The following CHD9 variants were observed in gnomAD, a reference collection of about 807,000 sequenced individuals.
The protein encoded by CHD9 is chromodomain helicase DNA binding protein 9.
In CHD9, 77 loss-of-function variants were observed where a neutral mutation model predicts 316.1. The ratio of observed to expected loss-of-function variants is 0.24; its 90% confidence interval spans 0.20 to 0.29. CHD9 has a LOEUF of 0.29. Among genes scored for constraint, CHD9 ranks in the 10% least tolerant of loss-of-function variants. CHD9 has a pLI of 1.00. For synonymous variants in CHD9, 1,129 were observed against 1,158.3 expected (o/e 0.97, Z 0.51); for missense variants, 2,763 against 3,438.1 (o/e 0.80, Z 4.91).
chr16:53,313,975 A>G lies in CHD9; in HGVS notation c.7223-402A>G, dbSNP rs998805360. Among the ~76,000 whole-genome samples the G allele has an allele frequency of 2.0e-5, 3 of 152,060 alleles. No homozygotes were observed. The South Asian group carries it at 6.2e-4, about 32-fold the overall frequency. On this transcript the variant is annotated intron_variant, in intron 34 of 38. Coordinates refer to ENST00000447540, the MANE Select transcript of CHD9 (RefSeq NM_001308319.2). ...CTCCAAAAAAAAAAAACAAAAATCA[A>G]AAAAGAATAATGTAGAAAAAGATAT...
rs1333176129 is a variant in CHD9, at chr16:53,143,739, T to C, written c.-164-12187T>C. Among the ~76,000 whole-genome samples, 4 of 152,300 alleles carry C rather than the reference T, an allele frequency of 2.6e-5. 1 individual carries two copies. Among genetic ancestry groups the C allele is most frequent in the Admixed American group, 2.6e-4 (4 of 15,306 alleles). Reference sequence around the variant, plus strand: ...AATAAAACACCTAAGGATTTGCTAATTAGCTACTGAAAATAATTTAGGATA... The same window carrying C: ...AATAAAACACCTAAGGATTTGCTAACTAGCTACTGAAAATAATTTAGGATA... On this transcript the variant is annotated intron_variant, in intron 1 of 38. Coordinates refer to ENST00000447540, the MANE Select transcript of CHD9 (RefSeq NM_001308319.2).
chr16:53,082,228 ATT>A (rs1158173470), intron 1 of CHD9, among the ~76,000 whole-genome samples: 7 of 150,880 alleles, frequency 4.6e-5, no homozygotes, highest in Non-Finnish European at 1.0e-4. Flanking sequence ...TTATTTATTT[ATT>A]TATTTATTTA....
intron 1 of CHD9, among the ~76,000 whole-genome samples, chr16:53,072,560 T>C (rs9921695): frequency 0.63 from 95,273 of 151,420 alleles, 30,580 homozygotes; most frequent in Non-Finnish European, 0.67. Context: ...TTTTAATTTT[T>C]TGTAGAGACA....
intron 24 of CHD9, among the ~76,000 whole-genome samples, chr16:53,283,942 A>G (rs1303919584): frequency 6.6e-6 from 1 of 152,140 alleles, no homozygotes; most frequent in Non-Finnish European, 1.5e-5. Flanking sequence ...TTTAATTATA[A>G]AAGGTATAAG....
chr16:53,238,098 C>T (rs1444236658), intron 11 of CHD9, among the ~76,000 whole-genome samples: 2 of 151,986 alleles, frequency 1.3e-5, no homozygotes, highest in Admixed American at 1.3e-4. Flanking sequence ...TTGCCCTTCC[C>T]TTTTCTTTTT....
intron 3 of CHD9, among the ~76,000 whole-genome samples, chr16:53,220,292 T>A (rs2047130147): frequency 6.6e-6 from 1 of 152,242 alleles, no homozygotes; most frequent in Admixed American, 6.5e-5. Flanking sequence ...GAATTACCAT[T>A]ATTCTGTTGA....
intron 12 of CHD9, among the ~76,000 whole-genome samples, chr16:53,242,485 TGTAA>T (rs1267796547): frequency 2.0e-5 from 3 of 152,206 alleles, no homozygotes; most frequent in Non-Finnish European, 4.4e-5. Context: ...AACTCATTGG[TGTAA>T]GTAATAAGAA....
rs1241806491 is a variant in CHD9, at chr16:53,271,579, A to AAAAAAG, written c.4718-2029_4718-2024dup. On this transcript the variant is annotated intron_variant, in intron 22 of 38. Transcript: ENST00000447540. ...GCGAGACTCTGTCTCAGAAGAAAAAAAAAAAGAAAAAGAAAAAGAAAAAAA... is the reference window on the plus strand; with the variant it reads ...GCGAGACTCTGTCTCAGAAGAAAAAAAAAAAGAAAAAGAAAAAGAAAAAGAAAAAAA... Among the ~76,000 whole-genome samples, 395 of 152,058 alleles carry AAAAAAG rather than the reference A, an allele frequency of 2.6e-3. 3 individuals carry two copies. Among genetic ancestry groups the AAAAAAG allele is most frequent in the African/African-American group, 9.2e-3 (382 of 41,474 alleles).
At chr16:53,061,559 A>C (rs2032906094) in intron 1 of CHD9, among the ~76,000 whole-genome samples, 1 of 152,176 alleles carries the variant, frequency 6.6e-6, no homozygotes, top group Non-Finnish European at 1.5e-5. Context: ...CCAATAAAAA[A>C]GGTGTTGATG....
Position 53,307,960 on chromosome 16 carries a change from G to A in CHD9, c.7053+7G>A, listed in dbSNP as rs2056133287. 1.3e-6 allele frequency: 2 copies of A among 1,585,926 alleles called. No individual in the cohort carries two copies. Among genetic ancestry groups the A allele is most frequent in the Non-Finnish European group, 1.7e-6 (2 of 1,166,218 alleles). On this transcript the variant is annotated splice_region_variant and intron_variant, in intron 33 of 38. Transcript: ENST00000447540. ...TACAGTGAAAATCAAAGACGTATGTGTATTTTTATTGCCCTAGGGCCTGAT... is the reference window on the plus strand; with the variant it reads ...TACAGTGAAAATCAAAGACGTATGTATATTTTTATTGCCCTAGGGCCTGAT...
chr16:53,066,913 C>T (rs2033579940), intron 1 of CHD9, among the ~76,000 whole-genome samples: 1 of 152,048 alleles, frequency 6.6e-6, no homozygotes, highest in Admixed American at 6.6e-5. Flanking sequence ...ACAGAATTCC[C>T]ACATATTCCA....
intron 2 of CHD9, among the ~76,000 whole-genome samples, chr16:53,205,616 T>C (rs1044806936): frequency 6.6e-6 from 1 of 152,214 alleles, no homozygotes; most frequent in African/African-American, 2.4e-5. Flanking sequence ...TGTATTCTAG[T>C]AGCAGAGGAA....
chr16:53,180,999 T>C (rs985075387), intron 2 of CHD9, among the ~76,000 whole-genome samples: 1 of 151,556 alleles, frequency 6.6e-6, no homozygotes, highest in African/African-American at 2.4e-5. Context: ...CTAATAAGTA[T>C]GAGAGACACG....
intron 1 of CHD9, among the ~76,000 whole-genome samples, chr16:53,094,272 T>C (rs13335994): frequency 1.5e-3 from 234 of 152,272 alleles, no homozygotes; most frequent in African/African-American, 5.5e-3. Context: ...TAGTCTGGGC[T>C]GGGCGGGGCA....
At chr16:53,322,298 A>G (rs1196434619) in intron 38 of CHD9, among the ~76,000 whole-genome samples, 2 of 151,374 alleles carry the variant, frequency 1.3e-5, no homozygotes, top group Non-Finnish European at 3.0e-5. Context: ...TTCCCAGCCT[A>G]GGCAACTATT....
At chr16:53,310,199 A>C (rs1597959904) in intron 34 of CHD9, among the ~76,000 whole-genome samples, 1 of 152,356 alleles carries the variant, frequency 6.6e-6, no homozygotes, top group African/African-American at 2.4e-5. Context: ...ACATGTATGA[A>C]TTGCACTTCA....
intron 2 of CHD9, among the ~76,000 whole-genome samples, chr16:53,177,472 G>T (rs369594727): frequency 6.6e-6 from 1 of 152,128 alleles, no homozygotes; most frequent in African/African-American, 2.4e-5. Flanking sequence ...TTACATTAAG[G>T]CTTTTAAATT....
At chr16:53,218,655 T>C (rs1324709356) in intron 3 of CHD9, among the ~76,000 whole-genome samples, 2 of 152,190 alleles carry the variant, frequency 1.3e-5, no homozygotes, top group African/African-American at 4.8e-5. Context: ...TTTTTATTCA[T>C]TGGGATTTGA....
At chr16:53,114,768 T>C (rs1046021583) in intron 1 of CHD9, among the ~76,000 whole-genome samples, 3 of 151,012 alleles carry the variant, frequency 2.0e-5, no homozygotes, top group Non-Finnish European at 2.9e-5. Context: ...TTTGTATTTT[T>C]AGTAGAGACG....
Sources: allele counts gnomAD v4.1 joint callset (sites outside exome capture counted in the v4.1 genomes callset), GRCh38; gene constraint gnomAD v4.1.1; transcripts MANE v1.5; gene names NCBI Gene and HGNC (gene_info 2026-07-23, HGNC 2026-07-21).